FIG4: variants seen among roughly 807,000 people sequenced by gnomAD.
FIG4 encodes the protein FIG4 phosphoinositide 5-phosphatase.
FIG4 carries 112 observed loss-of-function variants against 118.6 expected under a neutral mutation model. The observed-to-expected ratio is 0.94, with a 90% CI of 0.81 to 1.11. FIG4 has a LOEUF of 1.11. Ranked by LOEUF, FIG4 falls within the 50% of genes least tolerant of loss-of-function variation. The pLI is 0.00. For synonymous variants in FIG4, 369 were observed against 381.2 expected (o/e 0.97, Z 0.37); for missense variants, 969 against 1,111.7 (o/e 0.87, Z 1.83).
intron 10 of FIG4, among the ~76,000 whole-genome samples, chr6:109,756,464 C>T (rs909636681): frequency 5.3e-5 from 8 of 151,808 alleles, no homozygotes; most frequent in Non-Finnish European, 1.2e-4. Context: ...TCTGTATTTC[C>T]TGAATCTGAA....
At chr6:109,762,923 T>C (rs1777156565) in intron 12 of FIG4, among the ~76,000 whole-genome samples, 1 of 152,062 alleles carries the variant, frequency 6.6e-6, no homozygotes, top group Admixed American at 6.5e-5. Context: ...GGATATAAAG[T>C]GACATTAACA....
At chr6:109,795,516 A>T (rs1283881137) in intron 21 of FIG4, among the ~76,000 whole-genome samples, 1 of 151,732 alleles carries the variant, frequency 6.6e-6, no homozygotes, top group Non-Finnish European at 1.5e-5. Flanking sequence ...AAACTTTTCC[A>T]TAGTCTTCAA....
At chr6:109,786,263 A>G in intron 17 of FIG4, 39 bp from the exon 18 acceptor site, 1 of 1,577,554 alleles carries the variant, frequency 6.3e-7, no homozygotes, top group Non-Finnish European at 8.7e-7. Flanking sequence ...GCTTGCTATA[A>G]TCTCAGACTT....
At chr6:109,762,489 T>C (rs910409445) in intron 12 of FIG4, among the ~76,000 whole-genome samples, 2 of 151,794 alleles carry the variant, frequency 1.3e-5, no homozygotes, top group African/African-American at 4.8e-5. Flanking sequence ...AGTGAACTAT[T>C]TTTCAGTATT....
rs749510643 is a variant in FIG4 at position 109,743,657 on chromosome 6, A to G, written c.1040-18A>G. The G allele has an allele frequency of 6.9e-6, 11 of 1,596,954 alleles. No homozygotes were observed. Among genetic ancestry groups the G allele is most frequent in the South Asian group, 2.2e-5 (2 of 90,728 alleles). Reference sequence around the variant, plus strand: ...GCAATTTTCATTCAGGTGCTTTTTCATCTTTTTTCCTTCTCAGTGGATCAG... The same window carrying G: ...GCAATTTTCATTCAGGTGCTTTTTCGTCTTTTTTCCTTCTCAGTGGATCAG... On this transcript the variant is annotated intron_variant, in intron 9 of 22. Coordinates refer to ENST00000230124, the MANE Select transcript of FIG4 (RefSeq NM_014845.6).
At chr6:109,727,981 A>G (rs1396760963) in intron 4 of FIG4, among the ~76,000 whole-genome samples, 2 of 152,210 alleles carry the variant, frequency 1.3e-5, no homozygotes, top group South Asian at 2.1e-4. Flanking sequence ...TTAAAAGTGC[A>G]TGTACTTGTA....
chr6:109,771,461 C>CTTTTTTTT (rs71018367), intron 15 of FIG4, among the ~76,000 whole-genome samples: 48 of 86,024 alleles, frequency 5.6e-4, no homozygotes, highest in Non-Finnish European at 6.0e-4. Context: ...TCCTCTAATT[C>CTTTTTTTT]TTTTTTTTTT....
intron 22 of FIG4, among the ~76,000 whole-genome samples, chr6:109,809,288 A>T (rs1049295722): frequency 3.9e-5 from 6 of 152,220 alleles, no homozygotes; most frequent in African/African-American, 1.2e-4. Context: ...ATTAAGCCAG[A>T]TATAGAAAAG....
At chr6:109,757,925 G>C (rs1776972259) in intron 10 of FIG4, among the ~76,000 whole-genome samples, 1 of 152,138 alleles carries the variant, frequency 6.6e-6, no homozygotes, top group Admixed American at 6.5e-5. Context: ...ACCTCTTCAA[G>C]GAGAACTACA....
rs761084217 is a variant in FIG4 at position 109,786,400 on chromosome 6, T to G, written c.2047T>G (p.Leu683Val). ...CAATGAGTTCTTTCGGCCATATGAG[T>G]TGAGCAGCTTTGATGATACCTTTTG... The part of the protein sequence containing the change: ...IHNEFFRPYE[L>V]SSFDDTFCLA... The change falls in exon 18 of 23, where the codon TTG becomes GTG. Residue 683 changes from leucine (L) to valine (V), a missense_variant. By Grantham distance (32) the Leu-to-Val change is conservative. Transcript: ENST00000230124. The G allele has an allele frequency of 5.0e-6, 8 of 1,613,994 alleles. No homozygotes were observed. The highest frequency in any genetic ancestry group is 6.8e-6 in the Non-Finnish European group (8 of 1,179,872).
chr6:109,713,499 G>T (rs944087032), intron 1 of FIG4, among the ~76,000 whole-genome samples: 3 of 152,186 alleles, frequency 2.0e-5, no homozygotes, highest in South Asian at 2.1e-4. Flanking sequence ...GGCAGCATTG[G>T]CACAGGGGTG....
chr6:109,725,625 T>A (rs1033857230), intron 3 of FIG4, among the ~76,000 whole-genome samples: 5 of 152,212 alleles, frequency 3.3e-5, no homozygotes, highest in African/African-American at 1.2e-4. Context: ...TACCCAGTAA[T>A]GGGATTGCTG....
chr6:109,762,062 A>G (rs1218262671), intron 11 of FIG4, 29 bp from the exon 12 acceptor site: 1 of 1,358,490 alleles, frequency 7.4e-7, no homozygotes, highest in Non-Finnish European at 1.1e-6. Flanking sequence ...TTGGCTTCTC[A>G]CTTTTCTCAT....
chr6:109,730,012 A>G (rs2128384694), intron 4 of FIG4, among the ~76,000 whole-genome samples: 1 of 152,142 alleles, frequency 6.6e-6, no homozygotes, highest in Middle Eastern at 3.4e-3. Flanking sequence ...ATGAGTCTTG[A>G]TATCTTGAAG....
intron 3 of FIG4, among the ~76,000 whole-genome samples, chr6:109,726,781 C>G (rs1429997449): frequency 1.3e-5 from 2 of 152,094 alleles, no homozygotes; most frequent in Non-Finnish European, 2.9e-5. Context: ...CTCTTACTTC[C>G]TTGAGCAGTG....
At chr6:109,808,339 C>A in intron 22 of FIG4, among the ~76,000 whole-genome samples, 1 of 106,674 alleles carries the variant, frequency 9.4e-6, no homozygotes. Context: ...TTCACTCCTA[C>A]ACACTCACAG....
Position 109,752,513 on chromosome 6 carries a change from A to T in FIG4, c.1138-7737A>T, listed in dbSNP as rs958761045. Among the ~76,000 whole-genome samples, 334 of 152,092 alleles carry T rather than the reference A, an allele frequency of 2.2e-3. 2 individuals carry two copies. Among genetic ancestry groups the T allele is most frequent in the Middle Eastern group, 0.01 (3 of 294 alleles). The stretch of plus-strand genomic sequence containing the variant: ...TCTCCAGTACCTGTTGTTTCCTGAC[A>T]TTTTAATGATCGCCATTCTAACTGG... On this transcript the variant is annotated intron_variant, in intron 10 of 22. Transcript: ENST00000230124.
chr6:109,771,806 C>T (rs559056001), intron 15 of FIG4, among the ~76,000 whole-genome samples: 1 of 152,206 alleles, frequency 6.6e-6, no homozygotes, highest in South Asian at 2.1e-4. Flanking sequence ...TTGCCTTTTT[C>T]TTTGAATCCC....
At position 109,763,933 on chromosome 6, in the gene FIG4, A is replaced by G. The variant is rs1234617040; in HGVS notation, c.1389-4A>G. ...TTTTTAAAAGTGTTTATTTTTAAAC[A>G]CAGGTGGAATGAACTAGGAGGATGT... On this transcript the variant is annotated splice_polypyrimidine_tract_variant and splice_region_variant and intron_variant, in intron 12 of 22. Transcript: ENST00000230124. 1.2e-6 allele frequency: 2 copies of G among 1,605,116 alleles called. No individual in the cohort carries two copies. Among genetic ancestry groups the G allele is most frequent in the Non-Finnish European group, 8.5e-7 (1 of 1,171,918 alleles).
Sources: gnomAD v4.1 joint callset for allele counts (sites outside exome capture counted in the v4.1 genomes callset) on GRCh38, gnomAD v4.1.1 for gene constraint, MANE v1.5 for transcripts, NCBI Gene and HGNC (gene_info 2026-07-23, HGNC 2026-07-21) for gene names.